The following RNF212B variants were observed in gnomAD, a reference collection of about 807,000 sequenced individuals.
RNF212B encodes the protein ring finger protein 212B, also known as E3 ubiquitin-protein ligase RNF212B.
In RNF212B, 52 loss-of-function variants were observed where a neutral mutation model predicts 55.5. The observed-to-expected ratio is 0.94, with a 90% CI of 0.75 to 1.18. The LOEUF is 1.18. RNF212B is among the 50% of genes most tolerant of loss of function. The probability of loss-of-function intolerance (pLI) is 0.00; values close to 1 mark genes in which losing one functional copy is unlikely to be tolerated. For missense variants in RNF212B, 289 were observed against 350.4 expected, an observed-to-expected ratio of 0.82 and a Z score of 1.40; for synonymous variants, 99 against 121.4, an observed-to-expected ratio of 0.82 and a Z score of 1.21.
intron 11 of RNF212B, 104 bp from the exon 12 acceptor site, chr14:23,268,820 C>T: frequency 2.3e-5 from 22 of 939,764 alleles, no homozygotes; most frequent in South Asian, 2.2e-4. Flanking sequence ...AACCCATATA[C>T]TAAAAATCTT....
chr14:23,268,384 T>C (rs1243454986), intron 11 of RNF212B, among the ~76,000 whole-genome samples: 1 of 152,238 alleles, frequency 6.6e-6, no homozygotes, highest in East Asian at 1.9e-4. Flanking sequence ...TAGAGCAAGT[T>C]AAAATGCCAC....
At position 23,262,865 on chromosome 14, in the gene RNF212B, G is replaced by A. The variant is rs1001199480; in HGVS notation, c.482-63G>A. On this transcript the variant is annotated intron_variant, in intron 8 of 14. Transcript: ENST00000430154. ...ACCAGATAACCATGTACAACAAATT[G>A]GCCAGGCAAGGCAGGCATACCATTG... 8.5e-5 allele frequency: 127 copies of A among 1,489,122 alleles called. No homozygotes were observed. The African/African-American group carries it at 1.6e-3, about 19-fold the overall frequency. 92.2% of individuals were successfully genotyped at this position (1,489,122 alleles called of 1,614,324 possible).
intron 4 of RNF212B, among the ~76,000 whole-genome samples, chr14:23,245,766 T>C (rs1883932091): frequency 6.6e-6 from 1 of 152,230 alleles, no homozygotes. Context: ...ATGCTTTTTT[T>C]TGCATTGTAG....
chr14:23,242,122 A>G (rs1350331937), intron 2 of RNF212B, among the ~76,000 whole-genome samples: 2 of 151,574 alleles, frequency 1.3e-5, no homozygotes, highest in Non-Finnish European at 2.9e-5. Context: ...AGAAAAAGAA[A>G]AAGAAAAACC....
chr14:23,206,908 T>C (rs77354234), intron 2 of RNF212B, among the ~76,000 whole-genome samples: 1,928 of 150,618 alleles, frequency 0.013, 41 homozygotes, highest in African/African-American at 0.046. Context: ...AAACAAACTT[T>C]CGTTAAAAAA....
chr14:23,273,096 G>T lies in RNF212B; in HGVS notation c.*205G>T. 2.5e-6 allele frequency: 1 copy of T among 404,906 alleles called. No individual in the cohort carries two copies. 25.1% of individuals were successfully genotyped at this position (404,906 alleles called of 1,614,324 possible). ...GGTCTTACAAAAGGCTAGTGCTTCA[G>T]GAAGATGTTTATATCTCTTCCAGAA... On this transcript the variant is annotated 3_prime_UTR_variant, in exon 15 of 15. Coordinates refer to ENST00000430154, the MANE Select transcript of RNF212B (RefSeq NM_001282322.3).
intron 2 of RNF212B, among the ~76,000 whole-genome samples, chr14:23,225,081 C>CAA (rs374813233): frequency 1.6e-3 from 236 of 146,372 alleles, no homozygotes; most frequent in African/African-American, 5.1e-3. Flanking sequence ...CCACCCCACA[C>CAA]AAAAAAAAAA....
chr14:23,264,143 CT>C (rs920534806), intron 9 of RNF212B, 30 bp from the exon 10 acceptor site: 27 of 1,494,168 alleles, frequency 1.8e-5, no homozygotes, highest in East Asian at 9.9e-5. Flanking sequence ...GGTTTTTTGC[CT>C]TTTTTTTCTT....
At chr14:23,257,154 C>CA (rs1491043914) in intron 4 of RNF212B, among the ~76,000 whole-genome samples, 17 of 74,784 alleles carry the variant, frequency 2.3e-4, no homozygotes, top group African/African-American at 8.8e-4. Context: ...CTCAGTCACA[C>CA]ACACACAAAA....
intron 4 of RNF212B, among the ~76,000 whole-genome samples, chr14:23,250,758 A>G (rs1884347242): frequency 6.6e-6 from 1 of 152,178 alleles, no homozygotes; most frequent in African/African-American, 2.4e-5. Context: ...GTTTGGTTTT[A>G]TACATTTTAG....
chr14:23,219,513 G>A (rs117273234), intron 2 of RNF212B, among the ~76,000 whole-genome samples: 1,701 of 149,862 alleles, frequency 0.011, 32 homozygotes, highest in Non-Finnish European at 0.012. Flanking sequence ...ACTCTGTCGC[G>A]CAGACTGGAG....
chr14:23,194,151 A>G (rs1386535648), intron 2 of RNF212B, among the ~76,000 whole-genome samples: 1 of 152,130 alleles, frequency 6.6e-6, no homozygotes, highest in Non-Finnish European at 1.5e-5. Flanking sequence ...CTCATATACT[A>G]TCACTTAAAA....
Position 23,270,678 on chromosome 14 carries a change from C to T in RNF212B, c.834+17C>T. ...GTCCTGCAGGTGAGACCTGGCTAGT[C>T]TAACTTGTCTGTGCATAAAATCTCA... On this transcript the variant is annotated intron_variant, in intron 14 of 14. Coordinates refer to ENST00000430154, the MANE Select transcript of RNF212B (RefSeq NM_001282322.3). The T allele has an allele frequency of 5.9e-6, 9 of 1,526,772 alleles. No homozygotes were observed. Among genetic ancestry groups the T allele is most frequent in the Non-Finnish European group, 8.0e-6 (9 of 1,125,174 alleles). 94.6% of individuals were successfully genotyped at this position (1,526,772 alleles called of 1,614,324 possible). A position where few individuals can be genotyped will look rare whatever the true frequency, so the allele number is the denominator to read the frequency against.
intron 4 of RNF212B, among the ~76,000 whole-genome samples, chr14:23,246,214 A>C (rs1883969351): frequency 6.6e-6 from 1 of 151,584 alleles, no homozygotes; most frequent in Middle Eastern, 3.2e-3. Context: ...AGCTCACTGC[A>C]ACCTCTGCCT....
intron 8 of RNF212B, 55 bp from the exon 9 acceptor site, chr14:23,262,873 A>G: frequency 6.6e-7 from 1 of 1,520,584 alleles, no homozygotes. Context: ...TTGGCCAGGC[A>G]AGGCAGGCAT....
At chr14:23,230,420 C>T (rs575887034) in intron 2 of RNF212B, among the ~76,000 whole-genome samples, 4 of 151,948 alleles carry the variant, frequency 2.6e-5, no homozygotes, top group Admixed American at 6.6e-5. Context: ...TTTGGGAGGC[C>T]GAGGCGGGTG....
chr14:23,208,328 A>AAAAT (rs1326425693), intron 2 of RNF212B, among the ~76,000 whole-genome samples: 1 of 152,150 alleles, frequency 6.6e-6, no homozygotes, highest in Non-Finnish European at 1.5e-5. Flanking sequence ...TGTCCCTCCA[A>AAAAT]AAATAAATAA....
At chr14:23,247,404 C>T (rs1271821626) in intron 4 of RNF212B, among the ~76,000 whole-genome samples, 1 of 152,122 alleles carries the variant, frequency 6.6e-6, no homozygotes, top group Non-Finnish European at 1.5e-5. Flanking sequence ...GCAGGCACTT[C>T]CCAAACCCTT....
intron 2 of RNF212B, chr14:23,230,009 C>T: frequency 4.8e-6 from 1 of 210,420 alleles, no homozygotes; most frequent in Admixed American, 4.2e-5. Context: ...TAAAGTTGTA[C>T]CTGATTTTAT....
Sources: gnomAD v4.1 joint callset for allele counts (sites outside exome capture counted in the v4.1 genomes callset) on GRCh38, gnomAD v4.1.1 for gene constraint, MANE v1.5 for transcripts, NCBI Gene and HGNC (gene_info 2026-07-23, HGNC 2026-07-21) for gene names.